Variants in NEDD4L observed in about 807,000 individuals in gnomAD.
NEDD4L encodes the protein NEDD4 like E3 ubiquitin protein ligase, also known as E3 ubiquitin-protein ligase NEDD4-like.
Under a neutral mutation model 148.9 loss-of-function variants are expected in NEDD4L, and 54 were observed. The ratio of observed to expected loss-of-function variants is 0.36; its 90% confidence interval spans 0.29 to 0.45. NEDD4L has a LOEUF of 0.45. Among genes scored for constraint, NEDD4L ranks in the 20% least tolerant of loss-of-function variants. The pLI is 1.00. For synonymous variants in NEDD4L, 433 were observed against 440.7 expected, an observed-to-expected ratio of 0.98 and a Z score of 0.22; for missense variants, 856 against 1,233.8, an observed-to-expected ratio of 0.69 and a Z score of 4.59.
At chr18:58,212,760 C>T (rs1295835755) in intron 2 of NEDD4L, among the ~76,000 whole-genome samples, 1 of 147,316 alleles carries the variant, frequency 6.8e-6, no homozygotes, top group Non-Finnish European at 1.5e-5. Context: ...GCATGATCCA[C>T]CATACCTAGC....
At chr18:58,060,238 A>G (rs965605921) in intron 1 of NEDD4L, among the ~76,000 whole-genome samples, 1 of 152,292 alleles carries the variant, frequency 6.6e-6, no homozygotes, top group African/African-American at 2.4e-5. Context: ...TGTGGACCTC[A>G]TCAAGGAGCT....
At position 58,391,478 on chromosome 18, in the gene NEDD4L, C is replaced by G; in HGVS notation, c.2753-9C>G. ...CAATCTTAACATTTCTTTTTCTTTT[C>G]TTGTCTAGGTTCCAATGGTCCTCAG... On this transcript the variant is annotated splice_polypyrimidine_tract_variant and intron_variant, in intron 29 of 30. Transcript: ENST00000400345. 1 of 1,565,456 alleles carries G rather than the reference C, an allele frequency of 6.4e-7. No individual in the cohort carries two copies. Among genetic ancestry groups the G allele is most frequent in the Non-Finnish European group, 8.7e-7 (1 of 1,152,676 alleles).
chr18:58,359,633 T>C (rs2045213544), intron 19 of NEDD4L, among the ~76,000 whole-genome samples: 1 of 152,266 alleles, frequency 6.6e-6, no homozygotes, highest in Non-Finnish European at 1.5e-5. Context: ...TGCCCACCAT[T>C]GGTTCTTCCA....
Position 58,160,317 on chromosome 18 carries a change from C to A in NEDD4L, c.49-5471C>A, listed in dbSNP as rs536878048. ...TTGGACACTATTAGTGTGCTGCTGT[C>A]ACTTATGGCTCGGGCACCTTATCTT... On this transcript the variant is annotated intron_variant, in intron 1 of 30. Transcript: ENST00000400345. Among the ~76,000 whole-genome samples the A allele has an allele frequency of 2.0e-5, 3 of 152,310 alleles. No homozygotes were observed. In the East Asian group the frequency reaches 5.8e-4, roughly 29 times the overall value.
chr18:58,298,392 T>G lies in NEDD4L; in HGVS notation c.298-17590T>G, dbSNP rs1166706100. On this transcript the variant is annotated intron_variant, in intron 5 of 30. Coordinates refer to ENST00000400345, the MANE Select transcript of NEDD4L (RefSeq NM_001144967.3). Reference sequence around the variant, plus strand: ...CTTAGTAAAATATGCAGCAACAATATAGAAGACAATCCTGAATTTTCCACT... The same window carrying G: ...CTTAGTAAAATATGCAGCAACAATAGAGAAGACAATCCTGAATTTTCCACT... 3.3e-5 allele frequency among the ~76,000 whole-genome samples: 5 copies of G among 152,204 alleles called. No homozygotes were observed. In the East Asian group the frequency reaches 5.8e-4, roughly 18 times the overall value.
chr18:58,268,142 C>T (rs1459763344), intron 5 of NEDD4L, among the ~76,000 whole-genome samples: 1 of 152,016 alleles, frequency 6.6e-6, no homozygotes, highest in African/African-American at 2.4e-5. Flanking sequence ...GCTTCTATAC[C>T]ATCCTGAGGT....
intron 1 of NEDD4L, among the ~76,000 whole-genome samples, chr18:58,148,971 C>T (rs1204655793): frequency 6.6e-6 from 1 of 152,210 alleles, no homozygotes; most frequent in African/African-American, 2.4e-5. Context: ...CTACTGGTGC[C>T]TCCAGACCTA....
At chr18:58,382,216 G>A (rs1257794589) in intron 24 of NEDD4L, among the ~76,000 whole-genome samples, 1 of 152,218 alleles carries the variant, frequency 6.6e-6, no homozygotes, top group Non-Finnish European at 1.5e-5. Context: ...AGGTGTGAGT[G>A]CTCGGGTCAG....
At chr18:58,045,599 A>G in intron 1 of NEDD4L, 1 of 153,072 alleles carries the variant, frequency 6.5e-6, no homozygotes, top group Non-Finnish European at 1.5e-5. Context: ...TCGACCAGCC[A>G]CGCTCGGCTC....
chr18:58,188,372 C>T (rs1456694302), intron 2 of NEDD4L, among the ~76,000 whole-genome samples: 1 of 152,246 alleles, frequency 6.6e-6, no homozygotes, highest in African/African-American at 2.4e-5. Flanking sequence ...TGCCAAGACT[C>T]AGTCCAAAGC....
chr18:58,340,315 T>C (rs559140873), intron 13 of NEDD4L, among the ~76,000 whole-genome samples: 2 of 152,330 alleles, frequency 1.3e-5, no homozygotes, highest in South Asian at 2.1e-4. Flanking sequence ...AGTCACTCTA[T>C]GCGGGGCAGG....
chr18:58,256,343 G>A lies in NEDD4L; in HGVS notation c.297+4289G>A, dbSNP rs2048563497. 9 of 1,232,004 alleles carry A rather than the reference G, an allele frequency of 7.3e-6. No individual in the cohort carries two copies. The highest frequency in any genetic ancestry group is 9.1e-6 in the Non-Finnish European group (9 of 987,944). 76.3% of individuals were successfully genotyped at this position (1,232,004 alleles called of 1,614,324 possible). A position where few individuals can be genotyped will look rare whatever the true frequency, so the allele number is the denominator to read the frequency against. ...CCTGCAGCACGTTCCAGATGCTTCT[G>A]GAAGCTCTGGGAAGCGGTGTTTTGT... On this transcript the variant is annotated intron_variant, in intron 5 of 30. Transcript: ENST00000400345. The surrounding 1 kb of genome is among the most constrained non-coding windows in gnomAD (Gnocchi z 5.2).
chr18:58,339,772 T>C (rs1379331599), intron 13 of NEDD4L, among the ~76,000 whole-genome samples: 1 of 152,176 alleles, frequency 6.6e-6, no homozygotes, highest in Admixed American at 6.5e-5. Flanking sequence ...CCCGGCAGCA[T>C]CCTTGTTGGT....
chr18:58,289,565 C>T (rs1306650196), intron 5 of NEDD4L, among the ~76,000 whole-genome samples: 1 of 152,194 alleles, frequency 6.6e-6, no homozygotes, highest in Admixed American at 6.5e-5. Context: ...GCATGCCTCT[C>T]GAGGTGTAAG....
chr18:58,348,517 C>T (rs1441217239), intron 16 of NEDD4L, among the ~76,000 whole-genome samples: 3 of 151,436 alleles, frequency 2.0e-5, no homozygotes, highest in Non-Finnish European at 4.4e-5. Context: ...TTAGTAGGAA[C>T]GGAGTTTCAC....
At chr18:58,195,564 C>A (rs758416044) in intron 2 of NEDD4L, 6 of 1,339,078 alleles carry the variant, frequency 4.5e-6, no homozygotes, top group Non-Finnish European at 5.9e-6. Flanking sequence ...GGTGCCTCCC[C>A]AGCACGGCAC....
intron 9 of NEDD4L, 111 bp from the exon 10 acceptor site, chr18:58,328,884 T>C (rs1002973076): frequency 1.7e-6 from 2 of 1,169,334 alleles, no homozygotes; most frequent in African/African-American, 3.0e-5. Context: ...TGTCAGTGTT[T>C]GACGCTGACA....
intron 2 of NEDD4L, among the ~76,000 whole-genome samples, chr18:58,210,249 A>C (rs1023630940): frequency 5.9e-5 from 9 of 152,266 alleles, no homozygotes; most frequent in African/African-American, 2.2e-4. Flanking sequence ...ACTTTATAAG[A>C]AAACATTACA....
intron 5 of NEDD4L, among the ~76,000 whole-genome samples, chr18:58,293,724 T>C (rs1031848095): frequency 6.6e-6 from 1 of 152,202 alleles, no homozygotes; most frequent in African/African-American, 2.4e-5. Context: ...ATCTCCTGTT[T>C]ACTCAGAGTA....
Sources: allele counts gnomAD v4.1 joint callset (sites outside exome capture counted in the v4.1 genomes callset), GRCh38; gene constraint gnomAD v4.1.1; non-coding constraint Gnocchi (gnomAD v3.1); transcripts MANE v1.5; gene names NCBI Gene and HGNC (gene_info 2026-07-23, HGNC 2026-07-21).